The following ZMYND11 variants were observed in gnomAD, a reference collection of about 807,000 sequenced individuals.
The protein encoded by ZMYND11 is zinc finger MYND domain-containing protein 11.
ZMYND11 carries 9 observed loss-of-function variants against 84.9 expected under a neutral mutation model. That is an observed-to-expected ratio of 0.11 (90% confidence interval 0.06 to 0.18). ZMYND11 has a LOEUF of 0.18. Among genes scored for constraint, ZMYND11 ranks in the 10% least tolerant of loss-of-function variants. ZMYND11 has a pLI of 1.00. For synonymous variants in ZMYND11, 250 were observed against 244.1 expected, an observed-to-expected ratio of 1.02 and a Z score of -0.23; for missense variants, 409 against 761.0, an observed-to-expected ratio of 0.54 and a Z score of 5.44.
intron 1 of ZMYND11, among the ~76,000 whole-genome samples, chr10:178,832 GT>G (rs1382241755): frequency 1.3e-5 from 2 of 152,096 alleles, no homozygotes; most frequent in African/African-American, 4.8e-5. Context: ...GTTTTCTCAG[GT>G]TTTGATAGCA....
intron 2 of ZMYND11, among the ~76,000 whole-genome samples, chr10:187,289 A>G (rs1295389993): frequency 1.3e-5 from 2 of 152,300 alleles, no homozygotes; most frequent in African/African-American, 4.8e-5. Context: ...GTAGTAGGGA[A>G]GGTACTGTAA....
chr10:212,713 A>G (rs2131307373), intron 3 of ZMYND11, among the ~76,000 whole-genome samples: 1 of 151,774 alleles, frequency 6.6e-6, no homozygotes, highest in East Asian at 2.0e-4. Context: ...ACTCAAAGCA[A>G]GTTTTTGACC....
chr10:165,111 C>T (rs891369565), intron 1 of ZMYND11, among the ~76,000 whole-genome samples: 4 of 152,008 alleles, frequency 2.6e-5, no homozygotes, highest in Non-Finnish European at 4.4e-5. Context: ...TCAGTTTCTC[C>T]ACCTGCCACT....
intron 7 of ZMYND11, 55 bp from the exon 8 acceptor site, chr10:240,001 T>A: frequency 6.9e-7 from 1 of 1,458,372 alleles, no homozygotes; most frequent in Non-Finnish European, 9.4e-7. Flanking sequence ...ATAGTAACTT[T>A]GAGTCTTGTA....
At chr10:191,282 G>A (rs1210899668) in intron 2 of ZMYND11, among the ~76,000 whole-genome samples, 1 of 152,202 alleles carries the variant, frequency 6.6e-6, no homozygotes. Context: ...AGATCCATCT[G>A]ATATTGGAGT....
intron 10 of ZMYND11, 52 bp from the exon 11 acceptor site, chr10:246,714 C>A: frequency 6.4e-7 from 1 of 1,571,902 alleles, no homozygotes; most frequent in Admixed American, 1.7e-5. Context: ...CTTTTACCAC[C>A]CTTCCTGCCA....
chr10:182,385 C>T (rs927349070), intron 2 of ZMYND11, among the ~76,000 whole-genome samples: 7 of 152,136 alleles, frequency 4.6e-5, no homozygotes, highest in Non-Finnish European at 5.9e-5. Context: ...ATCAGCATAG[C>T]CTTAACTGAT....
chr10:198,106 C>A, intron 2 of ZMYND11: 1 of 387,664 alleles, frequency 2.6e-6, no homozygotes, highest in South Asian at 7.8e-5. Context: ...TTATAATGGC[C>A]AAAATTGAGA....
At chr10:164,043 A>G (rs1216797950) in intron 1 of ZMYND11, among the ~76,000 whole-genome samples, 1 of 152,140 alleles carries the variant, frequency 6.6e-6, no homozygotes, top group Non-Finnish European at 1.5e-5. Flanking sequence ...TTGATTATGT[A>G]GCATTTTGCT....
At chr10:134,091 G>C (rs1835415784), upstream of ZMYND11, among the ~76,000 whole-genome samples, 1 of 152,088 alleles carries the variant, frequency 6.6e-6, no homozygotes, top group Admixed American at 6.6e-5. Context: ...CCTGAAACCC[G>C]GGGTAGTGCT....
chr10:161,512 C>G, intron 1 of ZMYND11, among the ~76,000 whole-genome samples: 1 of 152,214 alleles, frequency 6.6e-6, no homozygotes, highest in South Asian at 2.1e-4. Context: ...CAGGCATCAT[C>G]ACCTCTCTAG....
Position 224,561 on chromosome 10 carries a change from A to G in ZMYND11, c.438+3205A>G, listed in dbSNP as rs552127037. Among the ~76,000 whole-genome samples the G allele has an allele frequency of 3.3e-5, 5 of 152,336 alleles. No individual in the cohort carries two copies. The South Asian group carries it at 8.3e-4, about 25-fold the overall frequency. ...TTAAAATTTGCTATAAAAAATTCAAATAATTTAGGATAAGAAAAAATTCCC... is the reference window on the plus strand; with the variant it reads ...TTAAAATTTGCTATAAAAAATTCAAGTAATTTAGGATAAGAAAAAATTCCC... On this transcript the variant is annotated intron_variant, in intron 4 of 14. Transcript: ENST00000381604.
chr10:181,613 G>T (rs1451843723), intron 2 of ZMYND11, among the ~76,000 whole-genome samples: 1 of 152,100 alleles, frequency 6.6e-6, no homozygotes, highest in Non-Finnish European at 1.5e-5. Context: ...TGAGACCCCT[G>T]TCTCACAACA....
chr10:164,795 G>C (rs1275460662), intron 1 of ZMYND11, among the ~76,000 whole-genome samples: 1 of 152,078 alleles, frequency 6.6e-6, no homozygotes, highest in African/African-American at 2.4e-5. Flanking sequence ...ATGTGAAAGA[G>C]ATTAATTGAC....
chr10:161,664 GGAGAC>G (rs1394563374), intron 1 of ZMYND11, among the ~76,000 whole-genome samples: 2 of 152,144 alleles, frequency 1.3e-5, no homozygotes, highest in African/African-American at 4.8e-5. Context: ...GTACTTTTAT[GGAGAC>G]AGCTTTTTTC....
At chr10:209,218 T>C (rs563825195) in intron 2 of ZMYND11, among the ~76,000 whole-genome samples, 20 of 152,174 alleles carry the variant, frequency 1.3e-4, no homozygotes, top group Non-Finnish European at 2.8e-4. Context: ...GAATCTGCAA[T>C]GTTATTCTCA....
At chr10:209,761 C>G (rs1243048416) in intron 2 of ZMYND11, 128 bp from the exon 3 acceptor site, 1 of 856,518 alleles carries the variant, frequency 1.2e-6, no homozygotes, top group African/African-American at 1.7e-5. Context: ...TTATCTTGTT[C>G]TTTATCTCAA....
At chr10:179,100 A>G (rs939485197) in intron 1 of ZMYND11, among the ~76,000 whole-genome samples, 6 of 152,206 alleles carry the variant, frequency 3.9e-5, no homozygotes, top group African/African-American at 1.4e-4. Context: ...GATAACATGT[A>G]TGATCTAGAG....
chr10:246,004 C>A (rs1400246305), intron 10 of ZMYND11, among the ~76,000 whole-genome samples: 2 of 152,222 alleles, frequency 1.3e-5, no homozygotes, highest in African/African-American at 2.4e-5. Flanking sequence ...GTGCCTTCCC[C>A]TGGTACACAG....
Sources: gnomAD v4.1 joint callset for allele counts (sites outside exome capture counted in the v4.1 genomes callset) on GRCh38, gnomAD v4.1.1 for gene constraint, MANE v1.5 for transcripts, NCBI Gene and HGNC (gene_info 2026-07-23, HGNC 2026-07-21) for gene names.